TMEM266: variants seen among roughly 807,000 people sequenced by gnomAD.
The protein encoded by TMEM266 is transmembrane protein 266.
In TMEM266, 33 loss-of-function variants were observed where a neutral mutation model predicts 50.5. The ratio of observed to expected loss-of-function variants is 0.65; its 90% CI spans 0.50 to 0.87. The LOEUF is 0.87. TMEM266 is among the 40% of genes least tolerant of loss of function. The probability of loss-of-function intolerance (pLI) is 0.00; values close to 1 mark genes in which losing one functional copy is unlikely to be tolerated. For missense variants in TMEM266, 655 were observed against 695.1 expected (o/e 0.94, Z 0.65); for synonymous variants, 310 against 292.3 (o/e 1.06, Z -0.62).
At chr15:76,107,700 G>A (rs552479764) in intron 1 of TMEM266, among the ~76,000 whole-genome samples, 2 of 152,308 alleles carry the variant, frequency 1.3e-5, no homozygotes, top group Non-Finnish European at 2.9e-5. Context: ...TGTCAGCCAT[G>A]TCCCAGGGGC....
At chr15:76,086,171 G>A (rs2036774477) in intron 1 of TMEM266, among the ~76,000 whole-genome samples, 1 of 152,268 alleles carries the variant, frequency 6.6e-6, no homozygotes, top group Non-Finnish European at 1.5e-5. Flanking sequence ...TACCCATACA[G>A]TTGGATACTA....
At chr15:76,140,341 A>G (rs1191645385) in intron 3 of TMEM266, among the ~76,000 whole-genome samples, 1 of 152,232 alleles carries the variant, frequency 6.6e-6, no homozygotes, top group Non-Finnish European at 1.5e-5. Context: ...TCTCTCCGCG[A>G]GGCTTCTTGG....
At chr15:76,126,603 C>T (rs975049799) in intron 1 of TMEM266, among the ~76,000 whole-genome samples, 5 of 151,540 alleles carry the variant, frequency 3.3e-5, no homozygotes, top group African/African-American at 1.2e-4. Flanking sequence ...ATGATCTCGG[C>T]TCACTGCATC....
At chr15:76,124,796 C>G (rs558426996) in intron 1 of TMEM266, among the ~76,000 whole-genome samples, 1 of 151,946 alleles carries the variant, frequency 6.6e-6, no homozygotes, top group Admixed American at 6.6e-5. Flanking sequence ...GAGACTCTCT[C>G]TAAACAAACA....
intron 3 of TMEM266, among the ~76,000 whole-genome samples, chr15:76,148,988 TGA>T: frequency 6.6e-6 from 1 of 152,264 alleles, no homozygotes; most frequent in African/African-American, 2.4e-5. Flanking sequence ...ACCTCCATCC[TGA>T]GAGTTCTGGT....
At position 76,168,137 on chromosome 15, in the gene TMEM266, T is replaced by C. The variant is rs531105035; in HGVS notation, c.457-1679T>C. ...ATTATTGAGCTCTGATCTCAAGACA[T>C]TGTGGCCACCCCACCCAGATCTCTC... On this transcript the variant is annotated intron_variant, in intron 5 of 10. Coordinates refer to ENST00000388942, the MANE Select transcript of TMEM266 (RefSeq NM_152335.3). This position sits in a 1 kb window ranked among gnomAD's most constrained non-coding sequence, Gnocchi z 4.4. Among the ~76,000 whole-genome samples, 17 of 152,198 alleles carry C rather than the reference T, an allele frequency of 1.1e-4. No individual in the cohort carries two copies. The highest frequency in any genetic ancestry group is 2.4e-4 in the Non-Finnish European group (16 of 68,046).
intron 1 of TMEM266, among the ~76,000 whole-genome samples, chr15:76,072,461 G>C (rs202032489): frequency 7.7e-6 from 1 of 129,962 alleles, no homozygotes; most frequent in African/African-American, 2.9e-5. Context: ...AAAAAAAAAA[G>C]AAGCAGCACT....
intron 1 of TMEM266, among the ~76,000 whole-genome samples, chr15:76,102,092 G>A (rs992439): frequency 0.052 from 7,971 of 152,196 alleles, 652 homozygotes; most frequent in African/African-American, 0.18. Flanking sequence ...CCATATCCAG[G>A]CCCCTAACAT....
chr15:76,187,145 T>C (rs1167105602), intron 8 of TMEM266, among the ~76,000 whole-genome samples: 1 of 84,026 alleles, frequency 1.2e-5, no homozygotes, highest in Non-Finnish European at 2.7e-5. Context: ...GACTTCCTAC[T>C]GAATGAATGA....
intron 8 of TMEM266, chr15:76,178,708 G>C (rs748583060): frequency 6.6e-6 from 1 of 152,242 alleles, no homozygotes; most frequent in Non-Finnish European, 1.5e-5. Context: ...GGGGGTCTCA[G>C]CCGGAGGGAG....
intron 1 of TMEM266, among the ~76,000 whole-genome samples, chr15:76,130,676 A>G (rs1018395499): frequency 6.6e-6 from 1 of 152,250 alleles, no homozygotes; most frequent in African/African-American, 2.4e-5. Context: ...ATTCCAAAAC[A>G]GTCATGAGTG....
chr15:76,118,104 A>G lies in TMEM266; in HGVS notation c.-96-16064A>G, dbSNP rs185883612. On this transcript the variant is annotated intron_variant, in intron 1 of 10. Coordinates refer to ENST00000388942, the MANE Select transcript of TMEM266 (RefSeq NM_152335.3). The stretch of plus-strand genomic sequence containing the variant: ...CTTCAAAGTAAGGCCAGGTTACTGC[A>G]CCCCTGGGAAGATCCACAGCCTTTT... Among the ~76,000 whole-genome samples, 251 of 152,286 alleles carry G rather than the reference A, an allele frequency of 1.6e-3. 3 individuals are homozygous for G. The highest frequency in any genetic ancestry group is 5.9e-3 in the African/African-American group (244 of 41,558).
At chr15:76,175,269 C>T in intron 7 of TMEM266, 1 of 299,164 alleles carries the variant, frequency 3.3e-6, no homozygotes, top group Non-Finnish European at 6.4e-6. Flanking sequence ...CCCATAGCTG[C>T]AAAGGAGGCT....
In TMEM266 at chr15:76,204,160, AG is replaced by A; in HGVS notation, c.1444del (p.Val482Ter). On this transcript the variant is annotated frameshift_variant, in exon 11 of 11. Transcript: ENST00000388942. LOFTEE classifies it high-confidence loss of function. ...CCAAACCAGCCCCGAGCTGGAACAC[AG>A]GGTAAGTCTGTTCAACCAGAAGAAC... 6.2e-7 allele frequency: 1 copy of A among 1,613,528 alleles called. No homozygotes were observed. The highest frequency in any genetic ancestry group is 1.7e-5 in the Admixed American group (1 of 60,020).
chr15:76,177,244 C>G (rs952150952), intron 8 of TMEM266, among the ~76,000 whole-genome samples: 2 of 152,256 alleles, frequency 1.3e-5, no homozygotes, highest in South Asian at 4.1e-4. Context: ...CTTAGTCCAA[C>G]TCACATCCGG....
chr15:76,103,224 C>G (rs1288151166), intron 1 of TMEM266, among the ~76,000 whole-genome samples: 1 of 152,048 alleles, frequency 6.6e-6, no homozygotes, highest in Non-Finnish European at 1.5e-5. Flanking sequence ...GAGGAGTCAG[C>G]CAGGCAGGTA....
At chr15:76,177,509 A>G (rs1245782484) in intron 8 of TMEM266, among the ~76,000 whole-genome samples, 5 of 152,228 alleles carry the variant, frequency 3.3e-5, no homozygotes, top group Non-Finnish European at 7.3e-5. Context: ...TCCCCTCGGA[A>G]TGTCTGTCAG....
chr15:76,079,870 C>A (rs999620221), intron 1 of TMEM266, among the ~76,000 whole-genome samples: 20 of 151,708 alleles, frequency 1.3e-4, no homozygotes, highest in African/African-American at 4.8e-4. Flanking sequence ...TAACTCAACC[C>A]ACTATAGGTC....
intron 1 of TMEM266, among the ~76,000 whole-genome samples, chr15:76,078,125 A>G (rs2036630836): frequency 6.6e-6 from 1 of 152,062 alleles, no homozygotes; most frequent in Non-Finnish European, 1.5e-5. Context: ...TTTGCAGCGA[A>G]TGTCGCCGAC....
Sources: gnomAD v4.1 joint callset for allele counts (sites outside exome capture counted in the v4.1 genomes callset) on GRCh38, gnomAD v4.1.1 for gene constraint, Gnocchi (gnomAD v3.1) non-coding constraint, MANE v1.5 for transcripts, NCBI Gene and HGNC (gene_info 2026-07-23, HGNC 2026-07-21) for gene names.